Variants in ZNF274 observed in about 807,000 individuals in gnomAD.
ZNF274 encodes neurotrophin receptor-interacting factor homolog.
ZNF274 carries 23 observed loss-of-function variants against 42.5 expected under a neutral mutation model. The observed-to-expected ratio is 0.54, with a 90% CI of 0.39 to 0.77. ZNF274 has a LOEUF of 0.77. ZNF274 is among the 30% of genes least tolerant of loss of function. The pLI is 0.00. For missense variants in ZNF274, 679 were observed against 806.5 expected (o/e 0.84, Z 1.91); for synonymous variants, 292 against 305.4 (o/e 0.96, Z 0.46).
Position 58,185,769 on chromosome 19 carries a change from C to A in ZNF274, c.91C>A (p.Leu31Met). The change falls in exon 3 of 8, where the codon CTG becomes ATG. Residue 31 changes from leucine (L) to methionine (M), a missense_variant. Leu to Met is a conservative substitution (Grantham distance 15). Transcript: ENST00000617501. Reference sequence around the variant, plus strand: ...TTTTACCCCGGAAGAGTGGGGACTGCTGGACCTCAAACAGAAGTCCCTGTA... The same window carrying A: ...TTTTACCCCGGAAGAGTGGGGACTGATGGACCTCAAACAGAAGTCCCTGTA... Reference protein sequence around the residue: ...LGFTPEEWGLLDLKQKSLYRE... With the variant: ...LGFTPEEWGLMDLKQKSLYRE... 6.8e-7 allele frequency: 1 copy of A among 1,459,934 alleles called. No homozygotes were observed. Among genetic ancestry groups the A allele is most frequent in the Non-Finnish European group, 9.1e-7 (1 of 1,098,822 alleles). The allele number at this position is 1,459,934 out of a possible 1,614,324, so 90.4% of individuals were successfully genotyped here.
chr19:58,200,426 G>A (rs770972303), intron 4 of ZNF274, among the ~76,000 whole-genome samples: 1 of 152,206 alleles, frequency 6.6e-6, no homozygotes, highest in Non-Finnish European at 1.5e-5. Flanking sequence ...ATTTGGGATG[G>A]TAATGAGTGT....
At position 58,211,390 on chromosome 19, in the gene ZNF274, C is replaced by A; in HGVS notation, c.853-170C>A. 2 of 766,306 alleles carry A rather than the reference C, an allele frequency of 2.6e-6. No individual in the cohort carries two copies. The highest frequency in any genetic ancestry group is 2.8e-5 in the South Asian group (1 of 35,908). The allele number at this position is 766,306 out of a possible 1,614,324, so 47.5% of individuals were successfully genotyped here. ...CTGAGACCCAGACCCTGGTTTGGAC[C>A]CAGTAGAACTCTTGTGGGCCCTGGG... is the stretch of plus-strand genomic sequence containing the variant. On this transcript the variant is annotated intron_variant, in intron 6 of 7. Coordinates refer to ENST00000617501, the MANE Select transcript of ZNF274 (RefSeq NM_133502.3). This position sits in a 1 kb window ranked among gnomAD's most constrained non-coding sequence, Gnocchi z 4.8.
In ZNF274 at chr19:58,212,550, G is replaced by C. The variant is rs567274882; in HGVS notation, c.1369G>C (p.Val457Leu). The change falls in exon 8 of 8, where the codon GTT (valine) becomes CTT (leucine). Residue 457 changes from valine to leucine, a missense_variant. Physicochemically the swap from Val to Leu is conservative, Grantham distance 32. Transcript: ENST00000617501. This position sits in a 1 kb window ranked among gnomAD's most constrained non-coding sequence, Gnocchi z 4.6. ...ACGATTGCGCAAACGTGACTCACAA[G>C]TTAAAAGTATGAAACATAATTCACG... ...RKRLRKRDSQVKSMKHNSRVK... is the reference protein window; with the variant it reads ...RKRLRKRDSQLKSMKHNSRVK... 1.9e-5 allele frequency: 30 copies of C among 1,613,980 alleles called. No individual in the cohort carries two copies. In the East Asian group the frequency reaches 6.5e-4, roughly 35 times the overall value.
chr19:58,200,263 A>G (rs1024727921), intron 4 of ZNF274, among the ~76,000 whole-genome samples: 9 of 152,166 alleles, frequency 5.9e-5, no homozygotes, highest in African/African-American at 7.2e-5. Context: ...CAGTACCTCA[A>G]TTGCACTGGG....
intron 2 of ZNF274, 32 bp from the exon 3 acceptor site, chr19:58,185,680 G>C: frequency 7.1e-7 from 1 of 1,417,474 alleles, no homozygotes; most frequent in Non-Finnish European, 9.3e-7. Context: ...GATGCGGATG[G>C]CCTGTGGCTG....
chr19:58,207,052 A>AAGG lies in ZNF274; in HGVS notation c.592_594dup (p.Glu198dup). Reference sequence around the variant, plus strand: ...GTGGCTACAGCCTAAGGCACGCTCCAAGGAGCAGATCCTGGAGCTGCTGGT... The same window carrying AAGG: ...GTGGCTACAGCCTAAGGCACGCTCCAAGGAGGAGCAGATCCTGGAGCTGCTGGT... On this transcript the variant is annotated inframe_insertion, in exon 5 of 8. Transcript: ENST00000617501. This position sits in a 1 kb window ranked among gnomAD's most constrained non-coding sequence, Gnocchi z 5.6. The AAGG allele has an allele frequency of 1.2e-6, 2 of 1,613,546 alleles. No homozygotes were observed. Among genetic ancestry groups the AAGG allele is most frequent in the Non-Finnish European group, 1.7e-6 (2 of 1,179,806 alleles).
chr19:58,197,342 A>G (rs1010597087), intron 4 of ZNF274, among the ~76,000 whole-genome samples: 1 of 152,214 alleles, frequency 6.6e-6, no homozygotes, highest in Non-Finnish European at 1.5e-5. Context: ...AACGAAAAAA[A>G]TATACACTGA....
At chr19:58,202,754 G>A (rs2075928040) in intron 4 of ZNF274, among the ~76,000 whole-genome samples, 1 of 152,198 alleles carries the variant, frequency 6.6e-6, no homozygotes, top group Non-Finnish European at 1.5e-5. Context: ...GGTAAGGATT[G>A]CCCTAAAGGT....
rs989586045 is a variant in ZNF274 at position 58,212,009 on chromosome 19, T to C, written c.980-152T>C. On this transcript the variant is annotated intron_variant, in intron 7 of 7. Coordinates refer to ENST00000617501, the MANE Select transcript of ZNF274 (RefSeq NM_133502.3). This position sits in a 1 kb window ranked among gnomAD's most constrained non-coding sequence, Gnocchi z 4.6. ...GGTCAGTGCTCCCCTCCCTGCCGCT[T>C]CATTGCTTTTCAGTCTCTCTCCAGG... is the stretch of plus-strand genomic sequence containing the variant. Among the ~76,000 whole-genome samples, 2 of 152,136 alleles carry C rather than the reference T, an allele frequency of 1.3e-5. No individual in the cohort carries two copies. The highest frequency in any genetic ancestry group is 4.8e-5 in the African/African-American group (2 of 41,424).
Position 58,185,764 on chromosome 19 carries a change from G to T in ZNF274, c.86G>T (p.Gly29Val), listed in dbSNP as rs774656582. Reference sequence around the variant, plus strand: ...CTGGGTTTTACCCCGGAAGAGTGGGGACTGCTGGACCTCAAACAGAAGTCC... The same window carrying T: ...CTGGGTTTTACCCCGGAAGAGTGGGTACTGCTGGACCTCAAACAGAAGTCC... The part of the protein sequence containing the change: ...VTLGFTPEEW[G>V]LLDLKQKSLY... Residue 29 changes from glycine to valine, a missense_variant, in exon 3 of 8, where the codon GGA becomes GTA. By Grantham distance (109) the Gly-to-Val change is moderately radical (BLOSUM62 -3). Coordinates refer to ENST00000617501, the MANE Select transcript of ZNF274 (RefSeq NM_133502.3). The T allele has an allele frequency of 1.4e-6, 2 of 1,460,106 alleles. No individual in the cohort carries two copies. Among genetic ancestry groups the T allele is most frequent in the African/African-American group, 2.9e-5 (2 of 68,808 alleles). The allele number at this position is 1,460,106 out of a possible 1,614,324, so 90.4% of individuals were successfully genotyped here. A position where few individuals can be genotyped will look rare whatever the true frequency, so the allele number is the denominator to read the frequency against.
At chr19:58,204,778 G>C (rs530620671) in intron 4 of ZNF274, among the ~76,000 whole-genome samples, 10 of 152,276 alleles carry the variant, frequency 6.6e-5, no homozygotes, top group Admixed American at 5.2e-4. Context: ...CGCGGGGCAG[G>C]AATATTCCAG....
rs531761128 is a variant in ZNF274 at position 58,209,607 on chromosome 19, CAG to C, written c.740-353_740-352del. The C allele has an allele frequency of 1.1e-3, 165 of 152,142 alleles. 1 individual carries two copies. The highest frequency in any genetic ancestry group is 3.6e-3 in the African/African-American group (146 of 40,084). The allele number at this position is 152,142 out of a possible 1,614,324, so 9.4% of individuals were successfully genotyped here. A position where few individuals can be genotyped will look rare whatever the true frequency, so the allele number is the denominator to read the frequency against. ...GGGTGCAGGGCTTGGAGGCCGGAAA[CAG>C]GGGCTTTGACTCTAAGGAGGGGGCG... On this transcript the variant is annotated intron_variant, in intron 5 of 7. Transcript: ENST00000617501.
Position 58,208,737 on chromosome 19 carries a change from C to T in ZNF274, c.740-1224C>T, listed in dbSNP as rs1220474902. 1 of 152,238 alleles carries T rather than the reference C, an allele frequency of 6.6e-6. No homozygotes were observed. The allele number at this position is 152,238 out of a possible 1,614,324, so 9.4% of individuals were successfully genotyped here. A position where few individuals can be genotyped will look rare whatever the true frequency, so the allele number is the denominator to read the frequency against. ...CAAACCAGACTTCTCATCTCCAGAA[C>T]CATAAGGTAATACATTTGCATTAAT... On this transcript the variant is annotated intron_variant, in intron 5 of 7. Transcript: ENST00000617501. This position sits in a 1 kb window ranked among gnomAD's most constrained non-coding sequence, Gnocchi z 4.5.
At chr19:58,206,300 A>G (rs1368555673) in intron 4 of ZNF274, among the ~76,000 whole-genome samples, 1 of 152,066 alleles carries the variant, frequency 6.6e-6, no homozygotes, top group Non-Finnish European at 1.5e-5. Context: ...CTAGATCACA[A>G]TTTGCTTATA....
At chr19:58,195,658 T>C (rs1360508534) in intron 4 of ZNF274, among the ~76,000 whole-genome samples, 1 of 152,156 alleles carries the variant, frequency 6.6e-6, no homozygotes. Flanking sequence ...AAGTCAGCAG[T>C]CCCCAACCTT....
chr19:58,196,060 G>A (rs1203191370), intron 4 of ZNF274, among the ~76,000 whole-genome samples: 3 of 152,220 alleles, frequency 2.0e-5, no homozygotes, highest in Admixed American at 6.5e-5. Context: ...AGTAAGCAAT[G>A]TAGGGAAAAT....
chr19:58,184,677 G>A (rs901507698), intron 2 of ZNF274: 2 of 152,314 alleles, frequency 1.3e-5, no homozygotes, highest in African/African-American at 4.8e-5. Context: ...GAAAAGACAG[G>A]TGAGGATGGA....
intron 6 of ZNF274, chr19:58,210,722 CT>C (rs905583487): frequency 1.1e-4 from 16 of 152,148 alleles, no homozygotes; most frequent in Non-Finnish European, 2.0e-4. Context: ...CTTTCTTCTT[CT>C]TTTTTTTTGA....
intron 4 of ZNF274, among the ~76,000 whole-genome samples, chr19:58,190,116 C>CG (rs1018549888): frequency 1.8e-4 from 25 of 138,750 alleles, no homozygotes; most frequent in Admixed American, 1.3e-3. Context: ...GAGCAAGACT[C>CG]TATCTCAAAA....
Sources: gnomAD v4.1 joint callset for allele counts (sites outside exome capture counted in the v4.1 genomes callset) on GRCh38, gnomAD v4.1.1 for gene constraint, Gnocchi (gnomAD v3.1) non-coding constraint, MANE v1.5 for transcripts, NCBI Gene and HGNC (gene_info 2026-07-23, HGNC 2026-07-21) for gene names.